PPFIA2: variants seen among roughly 807,000 people sequenced by gnomAD.
The protein encoded by PPFIA2 is PPFI scaffold protein A2, also known as liprin-alpha-2.
A neutral mutation model predicts 175.5 loss-of-function variants in PPFIA2; 46 were observed. That is an observed-to-expected ratio of 0.26 (90% CI 0.21 to 0.34). The LOEUF (loss-of-function observed/expected upper bound fraction) is 0.34, where lower values mean the gene tolerates loss of function less well. Among genes scored for constraint, PPFIA2 ranks in the 10% least tolerant of loss-of-function variants. The probability of loss-of-function intolerance (pLI) is 1.00; values close to 1 mark genes in which losing one functional copy is unlikely to be tolerated. For missense variants in PPFIA2, 1,179 were observed against 1,506.1 expected (o/e 0.78, Z 3.60); for synonymous variants, 568 against 511.4 (o/e 1.11, Z -1.49).
intron 4 of PPFIA2, among the ~76,000 whole-genome samples, chr12:81,531,773 A>G (rs548937327): frequency 1.3e-5 from 2 of 151,846 alleles, no homozygotes; most frequent in Admixed American, 6.6e-5. Flanking sequence ...AGAGAGCAAC[A>G]CAGGTAAGGT....
chr12:81,462,574 A>G (rs1357806245), intron 4 of PPFIA2, among the ~76,000 whole-genome samples: 2 of 59,024 alleles, frequency 3.4e-5, no homozygotes, highest in Non-Finnish European at 5.8e-5. Context: ...ATATGTGTAT[A>G]TATATATATA....
At chr12:81,431,013 AT>A (rs1309096069) in intron 7 of PPFIA2, 5 of 152,338 alleles carry the variant, frequency 3.3e-5, no homozygotes, top group African/African-American at 1.2e-4. Flanking sequence ...GAAAATTCTA[AT>A]TGAAAATTGG....
intron 8 of PPFIA2, among the ~76,000 whole-genome samples, chr12:81,389,125 T>TTATATATA (rs61254401): frequency 1.4e-5 from 2 of 144,942 alleles, no homozygotes; most frequent in Admixed American, 7.0e-5. Context: ...ATTCAATATT[T>TTATATATA]TATATATATA....
chr12:81,480,666 C>T (rs1566999523), intron 4 of PPFIA2, among the ~76,000 whole-genome samples: 3 of 152,088 alleles, frequency 2.0e-5, no homozygotes, highest in Admixed American at 6.6e-5. Context: ...ACAGTCAGGC[C>T]CCTCTGCTGC....
At chr12:81,534,813 G>T (rs76840053) in intron 4 of PPFIA2, among the ~76,000 whole-genome samples, 2,051 of 151,698 alleles carry the variant, frequency 0.014, 46 homozygotes, top group East Asian at 0.071. Context: ...AAGAAGATGA[G>T]AAAAAAGAGA....
chr12:81,262,659 T>A (rs2035999272), intron 31 of PPFIA2, among the ~76,000 whole-genome samples: 1 of 152,202 alleles, frequency 6.6e-6, no homozygotes. Context: ...TTTTGTAAAT[T>A]AGATAGCTTA....
At chr12:81,288,605 A>G (rs76660558) in intron 24 of PPFIA2, among the ~76,000 whole-genome samples, 1,692 of 151,916 alleles carry the variant, frequency 0.011, 28 homozygotes, top group African/African-American at 0.038. Flanking sequence ...GTATAAGTAA[A>G]GCAGCCAGAC....
intron 22 of PPFIA2, among the ~76,000 whole-genome samples, chr12:81,306,110 C>G (rs1369335629): frequency 6.6e-6 from 1 of 152,118 alleles, no homozygotes; most frequent in Non-Finnish European, 1.5e-5. Flanking sequence ...GTCATTTTCC[C>G]CTTCATACTT....
chr12:81,530,327 G>A (rs1328898611), intron 4 of PPFIA2, among the ~76,000 whole-genome samples: 1 of 151,936 alleles, frequency 6.6e-6, no homozygotes, highest in Non-Finnish European at 1.5e-5. Flanking sequence ...TTAGTATCCT[G>A]AAAATTTGGA....
chr12:81,577,951 G>T lies in PPFIA2; in HGVS notation c.303+98840C>A, dbSNP rs528818331. ...GTCCAACCTTGGGATCTCTCATGAG[G>T]TTTCAGCCAGTGGTCAGCTTGAGAA... On this transcript the variant is annotated intron_variant, in intron 4 of 32. Coordinates refer to ENST00000549396, the MANE Select transcript of PPFIA2 (RefSeq NM_003625.5). Among the ~76,000 whole-genome samples, 4 of 151,806 alleles carry T rather than the reference G, an allele frequency of 2.6e-5. No individual in the cohort carries two copies. The South Asian group carries it at 6.2e-4, about 24-fold the overall frequency.
intron 4 of PPFIA2, among the ~76,000 whole-genome samples, chr12:81,652,446 T>C (rs561581008): frequency 2.6e-5 from 4 of 151,860 alleles, no homozygotes; most frequent in Admixed American, 2.6e-4. Flanking sequence ...ACTCAGAATG[T>C]ATTGCTGAGG....
chr12:81,355,896 G>A (rs189274634), intron 16 of PPFIA2, among the ~76,000 whole-genome samples: 15 of 152,264 alleles, frequency 9.9e-5, no homozygotes, highest in Admixed American at 2.6e-4. Flanking sequence ...CCACTAAAAC[G>A]TTCTCCATAG....
At chr12:81,530,863 G>C (rs2064437235) in intron 4 of PPFIA2, among the ~76,000 whole-genome samples, 1 of 151,824 alleles carries the variant, frequency 6.6e-6, no homozygotes, top group Admixed American at 6.6e-5. Flanking sequence ...AGAGATAGAA[G>C]TCAGGCTCGT....
At chr12:81,595,002 T>C (rs1004672876) in intron 4 of PPFIA2, among the ~76,000 whole-genome samples, 1 of 152,028 alleles carries the variant, frequency 6.6e-6, no homozygotes, top group Non-Finnish European at 1.5e-5. Flanking sequence ...ACTGTGCAGA[T>C]ATGGTTTGAA....
intron 14 of PPFIA2, 68 bp downstream of exon 14, chr12:81,367,040 A>G (rs2033684029): frequency 1.4e-6 from 2 of 1,381,094 alleles, no homozygotes; most frequent in African/African-American, 1.5e-5. Context: ...ATTTTACAAC[A>G]AAACATTCAT....
At chr12:81,552,384 G>A (rs1188372494) in intron 4 of PPFIA2, among the ~76,000 whole-genome samples, 1 of 151,276 alleles carries the variant, frequency 6.6e-6, no homozygotes, top group Non-Finnish European at 1.5e-5. Flanking sequence ...TTCTTGAACA[G>A]ACTTAGTCAT....
intron 3 of PPFIA2, among the ~76,000 whole-genome samples, chr12:81,715,132 A>G (rs995024358): frequency 2.6e-5 from 4 of 151,194 alleles, no homozygotes; most frequent in African/African-American, 9.6e-5. Context: ...AAGATGGCAC[A>G]AGAACCCTGG....
chr12:81,642,776 G>A (rs57515729), intron 4 of PPFIA2, among the ~76,000 whole-genome samples: 4,386 of 5,776 alleles, frequency 0.76, 1,678 homozygotes, highest in Middle Eastern at 1. Context: ...ATGTATGTAT[G>A]TATTATATAC....
In PPFIA2 at chr12:81,259,264, G is replaced by C; in HGVS notation, c.*430C>G. The C allele has an allele frequency of 3.5e-6, 1 of 287,322 alleles. No individual in the cohort carries two copies. The highest frequency in any genetic ancestry group is 2.3e-5 in the African/African-American group (1 of 44,074). The allele number at this position is 287,322 out of a possible 1,614,324, so 17.8% of individuals were successfully genotyped here. The stretch of plus-strand genomic sequence containing the variant: ...GGAATTGTCAAATGTTTGCACTCGA[G>C]ACTCCATGAACCATATATTTTATTT... On this transcript the variant is annotated 3_prime_UTR_variant, in exon 33 of 33. Transcript: ENST00000549396.
Sources: allele counts gnomAD v4.1 joint callset (sites outside exome capture counted in the v4.1 genomes callset), GRCh38; gene constraint gnomAD v4.1.1; transcripts MANE v1.5; gene names NCBI Gene and HGNC (gene_info 2026-07-23, HGNC 2026-07-21).